The following ALKBH1 variants were observed in gnomAD, a reference collection of about 807,000 sequenced individuals.
The protein encoded by ALKBH1 is nucleic acid dioxygenase ALKBH1.
Under a neutral mutation model 36.6 loss-of-function variants are expected in ALKBH1, and 31 were observed. That is an observed-to-expected ratio of 0.85 (90% CI 0.64 to 1.14). The LOEUF (loss-of-function observed/expected upper bound fraction) is 1.14, where lower values mean the gene tolerates loss of function less well. ALKBH1 is among the 50% of genes most tolerant of loss of function. The pLI, the probability that ALKBH1 is intolerant of heterozygous loss-of-function variation, is 0.00. For synonymous variants in ALKBH1, 183 were observed against 186.6 expected (o/e 0.98, Z 0.16); for missense variants, 490 against 497.3 (o/e 0.99, Z 0.14).
At chr14:77,700,499 G>A (rs948088692) in intron 2 of ALKBH1, among the ~76,000 whole-genome samples, 1 of 152,144 alleles carries the variant, frequency 6.6e-6, no homozygotes, top group Non-Finnish European at 1.5e-5. Context: ...GTCTTCTAAA[G>A]TAGCTCCAAA....
chr14:77,689,724 T>C (rs2080287242), intron 3 of ALKBH1, among the ~76,000 whole-genome samples: 1 of 152,112 alleles, frequency 6.6e-6, no homozygotes. Context: ...TTAATTCTGC[T>C]TCCACAATGA....
At chr14:77,700,847 G>A (rs2080355479) in intron 2 of ALKBH1, among the ~76,000 whole-genome samples, 1 of 152,018 alleles carries the variant, frequency 6.6e-6, no homozygotes, top group African/African-American at 2.4e-5. Context: ...CAGCACTCTG[G>A]GAGGCCGAGG....
chr14:77,705,369 C>G (rs1016549157), intron 1 of ALKBH1, among the ~76,000 whole-genome samples: 2 of 142,854 alleles, frequency 1.4e-5, no homozygotes, highest in African/African-American at 5.2e-5. Flanking sequence ...TGAGATTGTG[C>G]CACTGTACTC....
At position 77,694,875 on chromosome 14, in the gene ALKBH1, G is replaced by A. The variant is rs575190579; in HGVS notation, c.318C>T (p.Phe106=). 20 of 1,569,930 alleles carry A rather than the reference G, an allele frequency of 1.3e-5. No individual in the cohort carries two copies. In the South Asian group the frequency reaches 1.6e-4, roughly 13 times the overall value. The change falls in exon 3 of 6, where the codon TTC becomes TTT. Residue 106 remains phenylalanine, a synonymous_variant. Transcript: ENST00000216489. ...YPGFIFIPNP[F]LPGYQWHWVK... The stretch of plus-strand genomic sequence containing the variant: ...CCCAGTGCCACTGGTAACCTGGGAG[G>A]AAGGGGTTTGGGATAAAAATAAACC...
At position 77,673,907 on chromosome 14, in the gene ALKBH1, C is replaced by T. The variant is rs147570421; in HGVS notation, c.1075G>A (p.Glu359Lys). 2.0e-5 allele frequency: 32 copies of T among 1,613,962 alleles called. No homozygotes were observed. In the African/African-American group the frequency reaches 3.1e-4, roughly 15 times the overall value. Reference protein sequence around the residue: ...TDQNFPLEPIEDEKRDISTEG... With the variant: ...TDQNFPLEPIKDEKRDISTEG... ...GTACTGATGTCTCTTTTTTCATCCTCGATGGGTTCTAGAGGGAAATTCTGG... is the reference window on the plus strand; with the variant it reads ...GTACTGATGTCTCTTTTTTCATCCTTGATGGGTTCTAGAGGGAAATTCTGG... The change falls in exon 6 of 6, where the codon GAG becomes AAG. Residue 359 changes from glutamate (E) to lysine (K), a missense_variant. Transcript: ENST00000216489.
chr14:77,675,604 A>C, intron 5 of ALKBH1, 52 bp downstream of exon 5: 6 of 1,501,984 alleles, frequency 4.0e-6, no homozygotes, highest in Non-Finnish European at 5.4e-6. Context: ...AATGTCTTAG[A>C]AAAAAGAATT....
At chr14:77,683,591 A>T (rs1174360828) in intron 3 of ALKBH1, 5 of 438,030 alleles carry the variant, frequency 1.1e-5, no homozygotes, top group Non-Finnish European at 2.1e-5. Flanking sequence ...TTTTTTTTTG[A>T]GATGCAGTCT....
At chr14:77,692,996 G>T (rs140365594) in intron 3 of ALKBH1, among the ~76,000 whole-genome samples, 1 of 151,234 alleles carries the variant, frequency 6.6e-6, no homozygotes, top group East Asian at 1.9e-4. Flanking sequence ...ACCTGAGGTC[G>T]GGAGTTCAAG....
intron 4 of ALKBH1, among the ~76,000 whole-genome samples, chr14:77,676,077 G>C (rs2080204153): frequency 6.7e-6 from 1 of 149,880 alleles, no homozygotes; most frequent in Non-Finnish European, 1.5e-5. Context: ...GCTCACTGTA[G>C]CCTAGACCTC....
rs759939665 is a variant in ALKBH1 at position 77,675,665 on chromosome 14, A to G, written c.731T>C (p.Leu244Pro). 1.2e-6 allele frequency: 2 copies of G among 1,607,602 alleles called. No individual in the cohort carries two copies. Among genetic ancestry groups the G allele is most frequent in the South Asian group, 2.2e-5 (2 of 90,476 alleles). Residue 244 changes from leucine (L) to proline (P), a missense_variant, in exon 5 of 6, where the codon CTG becomes CCG. Coordinates refer to ENST00000216489, the MANE Select transcript of ALKBH1 (RefSeq NM_006020.3). ...RSELDHSKPL[L>P]SFSFGQSAIF... ...CCTGGAACTAACTCACCTGAATGAC[A>G]GCAAGGGTTTGGAGTGATCTAGCTC...
intron 3 of ALKBH1, among the ~76,000 whole-genome samples, chr14:77,684,360 T>C (rs1331856419): frequency 1.5e-5 from 2 of 132,184 alleles, no homozygotes; most frequent in Admixed American, 8.5e-5. Flanking sequence ...GATTGCTTTA[T>C]TCTTTTTCTT....
intron 3 of ALKBH1, among the ~76,000 whole-genome samples, chr14:77,680,741 G>A (rs1293592755): frequency 2.7e-5 from 4 of 147,014 alleles, no homozygotes; most frequent in Non-Finnish European, 4.4e-5. Context: ...GTGCAATGGC[G>A]CGATCTTGGC....
intron 4 of ALKBH1, 100 bp downstream of exon 4, chr14:77,679,780 T>C: frequency 1.1e-6 from 1 of 910,752 alleles, no homozygotes; most frequent in Non-Finnish European, 1.7e-6. Context: ...CCCACAAATG[T>C]ATAATCTTGA....
intron 3 of ALKBH1, among the ~76,000 whole-genome samples, chr14:77,687,066 C>T (rs1479221916): frequency 6.6e-6 from 1 of 152,222 alleles, no homozygotes; most frequent in Admixed American, 6.5e-5. Flanking sequence ...TCAGTCTTAT[C>T]TAACCGTCTT....
chr14:77,691,000 C>G (rs2080294027), intron 3 of ALKBH1, among the ~76,000 whole-genome samples: 1 of 152,004 alleles, frequency 6.6e-6, no homozygotes, highest in African/African-American at 2.4e-5. Flanking sequence ...GGGGTTTCAC[C>G]ATGTTGGTCA....
intron 1 of ALKBH1, 43 bp downstream of exon 1, chr14:77,707,779 G>A: frequency 1.9e-6 from 3 of 1,550,878 alleles, no homozygotes; most frequent in Non-Finnish European, 2.6e-6. Flanking sequence ...CCAAGACGCG[G>A]GGCAAAGCGA....
chr14:77,707,787 C>A, intron 1 of ALKBH1, 35 bp downstream of exon 1: 1 of 1,560,764 alleles, frequency 6.4e-7, no homozygotes. Flanking sequence ...CGGGGCAAAG[C>A]GATGGAGAGA....
intron 3 of ALKBH1, among the ~76,000 whole-genome samples, chr14:77,680,882 T>C (rs1469912665): frequency 1.3e-5 from 2 of 152,022 alleles, no homozygotes; most frequent in African/African-American, 2.4e-5. Flanking sequence ...TTTCTCCATA[T>C]TGAGGCTGGT....
intron 1 of ALKBH1, among the ~76,000 whole-genome samples, chr14:77,705,112 G>T (rs2080380889): frequency 1.3e-5 from 2 of 152,154 alleles, no homozygotes; most frequent in South Asian, 4.1e-4. Context: ...AGCTGGACAG[G>T]GTGAGAAAAT....
Sources: gnomAD v4.1 joint callset for allele counts (sites outside exome capture counted in the v4.1 genomes callset) on GRCh38, gnomAD v4.1.1 for gene constraint, MANE v1.5 for transcripts, NCBI Gene and HGNC (gene_info 2026-07-23, HGNC 2026-07-21) for gene names.